Variants in CNTNAP2 observed in about 807,000 individuals in gnomAD.
CNTNAP2 encodes contactin-associated protein-like 2.
Under a neutral mutation model 155.2 loss-of-function variants are expected in CNTNAP2, and 98 were observed. The observed-to-expected ratio is 0.63, with a 90% CI of 0.54 to 0.75. The LOEUF is 0.75. Ranked by LOEUF, CNTNAP2 falls within the 30% of genes least tolerant of loss-of-function variation. The probability of loss-of-function intolerance (pLI) is 0.00; values close to 1 mark genes in which losing one functional copy is unlikely to be tolerated. For missense variants in CNTNAP2, 1,727 were observed against 1,688.1 expected (o/e 1.02, Z -0.40); for synonymous variants, 651 against 631.2 (o/e 1.03, Z -0.47).
Position 146,605,251 on chromosome 7 carries a change from G to A in CNTNAP2, c.98-169020G>A, listed in dbSNP as rs182284756. 9.9e-5 allele frequency among the ~76,000 whole-genome samples: 15 copies of A among 151,126 alleles called. No homozygotes were observed. In the East Asian group the frequency reaches 2.7e-3, roughly 28 times the overall value. On this transcript the variant is annotated intron_variant, in intron 1 of 23. Coordinates refer to ENST00000361727, the MANE Select transcript of CNTNAP2 (RefSeq NM_014141.6). ...ACTGTATGGCTAGAAACTAGGGCTG[G>A]CCATTTTGTGTATTATTGTACTTGT...
At chr7:148,043,173 A>T (rs1802709521) in intron 15 of CNTNAP2, among the ~76,000 whole-genome samples, 1 of 152,204 alleles carries the variant, frequency 6.6e-6, no homozygotes, top group Non-Finnish European at 1.5e-5. Flanking sequence ...CTAACTCAGA[A>T]TTAAATATGT....
At chr7:147,682,255 C>T (rs1291440915) in intron 13 of CNTNAP2, among the ~76,000 whole-genome samples, 2 of 151,790 alleles carry the variant, frequency 1.3e-5, no homozygotes, top group Admixed American at 6.6e-5. Context: ...TTTCCTTATG[C>T]ATTTAAGATT....
intron 13 of CNTNAP2, among the ~76,000 whole-genome samples, chr7:147,833,348 C>A (rs907134009): frequency 6.6e-6 from 1 of 152,022 alleles, no homozygotes; most frequent in African/African-American, 2.4e-5. Flanking sequence ...TTAATCTCTC[C>A]GAGCTTCAAC....
intron 14 of CNTNAP2, among the ~76,000 whole-genome samples, chr7:147,931,691 A>G (rs1800670754): frequency 6.6e-6 from 1 of 152,174 alleles, no homozygotes; most frequent in African/African-American, 2.4e-5. Flanking sequence ...AAGAAGGTGA[A>G]AGACTTGTAT....
At chr7:147,052,796 A>G (rs1291522856) in intron 4 of CNTNAP2, among the ~76,000 whole-genome samples, 1 of 152,138 alleles carries the variant, frequency 6.6e-6, no homozygotes, top group Non-Finnish European at 1.5e-5. Context: ...CTGCCAAGTT[A>G]TACAAGATAA....
intron 13 of CNTNAP2, among the ~76,000 whole-genome samples, chr7:147,774,924 A>G (rs919705586): frequency 7.2e-5 from 11 of 152,068 alleles, no homozygotes; most frequent in African/African-American, 2.4e-4. Context: ...TCACAAAGTC[A>G]GTATATACCA....
chr7:147,395,855 A>G, intron 10 of CNTNAP2, 75 bp downstream of exon 10: 2 of 1,540,372 alleles, frequency 1.3e-6, no homozygotes, highest in South Asian at 1.1e-5. Context: ...GACCAGTGAA[A>G]CATCCCAAAA....
intron 14 of CNTNAP2, among the ~76,000 whole-genome samples, chr7:147,942,522 A>G (rs915578643): frequency 1.8e-4 from 27 of 152,194 alleles, no homozygotes; most frequent in Admixed American, 1.8e-3. Context: ...ATGATATTCC[A>G]GTCAACTACT....
chr7:147,470,225 GA>G (rs1402148164), intron 10 of CNTNAP2, among the ~76,000 whole-genome samples: 4 of 152,234 alleles, frequency 2.6e-5, no homozygotes, highest in Admixed American at 2.6e-4. Flanking sequence ...CACCAGCCGG[GA>G]AACCACAGAA....
chr7:146,142,152 A>AAT (rs1419616255), intron 1 of CNTNAP2, among the ~76,000 whole-genome samples: 1 of 152,212 alleles, frequency 6.6e-6, no homozygotes, highest in Non-Finnish European at 1.5e-5. Flanking sequence ...AGAAACTCTT[A>AAT]ATAAGAGCAG....
intron 3 of CNTNAP2, among the ~76,000 whole-genome samples, chr7:146,946,894 G>A (rs976424653): frequency 6.6e-6 from 1 of 151,944 alleles, no homozygotes; most frequent in African/African-American, 2.4e-5. Context: ...AATTGAAAAA[G>A]AGCAAATACA....
At chr7:147,115,827 G>A (rs1366437148) in intron 5 of CNTNAP2, among the ~76,000 whole-genome samples, 1 of 152,086 alleles carries the variant, frequency 6.6e-6, no homozygotes, top group Non-Finnish European at 1.5e-5. Context: ...AGCCATCTCA[G>A]CCTTAGCCCA....
chr7:148,220,530 G>T (rs181219528), intron 19 of CNTNAP2, among the ~76,000 whole-genome samples: 1 of 151,804 alleles, frequency 6.6e-6, no homozygotes, highest in South Asian at 2.1e-4. Flanking sequence ...TTTATGAATC[G>T]TGATTAATGA....
intron 9 of CNTNAP2, among the ~76,000 whole-genome samples, chr7:147,336,567 A>T (rs1379738018): frequency 1.3e-5 from 2 of 152,184 alleles, no homozygotes; most frequent in Non-Finnish European, 2.9e-5. Context: ...TCTACTGATG[A>T]AAATCGTAGG....
At chr7:147,582,034 T>G (rs913024825) in intron 12 of CNTNAP2, among the ~76,000 whole-genome samples, 7 of 152,144 alleles carry the variant, frequency 4.6e-5, no homozygotes, top group African/African-American at 1.7e-4. Context: ...TATTAAAAAC[T>G]TAGTTTATTG....
At chr7:147,816,436 G>GA (rs112275689) in intron 13 of CNTNAP2, among the ~76,000 whole-genome samples, 14 of 152,048 alleles carry the variant, frequency 9.2e-5, no homozygotes, top group African/African-American at 3.4e-4. Context: ...CTGATATGAT[G>GA]AAAAAAATGA....
At chr7:147,703,342 G>A (rs1348699641) in intron 13 of CNTNAP2, among the ~76,000 whole-genome samples, 1 of 152,132 alleles carries the variant, frequency 6.6e-6, no homozygotes, top group Non-Finnish European at 1.5e-5. Context: ...ATACTAGCTG[G>A]AAAAGTGGTC....
chr7:146,949,483 C>T (rs554315000), intron 3 of CNTNAP2, among the ~76,000 whole-genome samples: 1 of 152,294 alleles, frequency 6.6e-6, no homozygotes, highest in Admixed American at 6.5e-5. Flanking sequence ...GATCTGAAAA[C>T]TGTCCCTCTT....
At chr7:146,945,038 A>G (rs1449150997) in intron 3 of CNTNAP2, among the ~76,000 whole-genome samples, 3 of 152,182 alleles carry the variant, frequency 2.0e-5, no homozygotes, top group African/African-American at 7.2e-5. Flanking sequence ...TGCTATAAAA[A>G]TACTCAGTGC....
Sources: allele counts gnomAD v4.1 joint callset (sites outside exome capture counted in the v4.1 genomes callset), GRCh38; gene constraint gnomAD v4.1.1; transcripts MANE v1.5; gene names NCBI Gene and HGNC (gene_info 2026-07-23, HGNC 2026-07-21).